Variants in SPIRE1 observed in about 807,000 individuals in gnomAD.
SPIRE1 encodes spire type actin nucleation factor 1.
SPIRE1 carries 40 observed loss-of-function variants against 94.1 expected under a neutral mutation model. The observed-to-expected ratio is 0.43, with a 90% CI of 0.33 to 0.55. The LOEUF (loss-of-function observed/expected upper bound fraction) is 0.55. Ranked by LOEUF, SPIRE1 falls within the 20% of genes least tolerant of loss-of-function variation. The pLI is 0.06. For synonymous variants in SPIRE1, 376 were observed against 371.7 expected, an observed-to-expected ratio of 1.01 and a Z score of -0.13; for missense variants, 838 against 975.2, an observed-to-expected ratio of 0.86 and a Z score of 1.87.
At chr18:12,640,586 G>A (rs148172246) in intron 1 of SPIRE1, among the ~76,000 whole-genome samples, 94 of 152,262 alleles carry the variant, frequency 6.2e-4, no homozygotes, top group East Asian at 4.8e-3. Flanking sequence ...AACAGAACTC[G>A]TGATAAATGG....
chr18:12,554,169 C>T (rs1009008316), intron 2 of SPIRE1, among the ~76,000 whole-genome samples: 9 of 151,918 alleles, frequency 5.9e-5, no homozygotes, highest in Admixed American at 2.6e-4. Context: ...CATGATGGCA[C>T]GTGTCTGTAA....
Position 12,446,925 on chromosome 18 carries a change from C to A in SPIRE1, c.*2713G>T, listed in dbSNP as rs1343450015. On this transcript the variant is annotated 3_prime_UTR_variant, in exon 17 of 17. Transcript: ENST00000409402. ...ATTTGAAATCCTTAAGAATTAAAAT[C>A]TAGTAAGATTGTTAAATCAACGTAC... The A allele has an allele frequency of 6.6e-6, 1 of 152,210 alleles. No individual in the cohort carries two copies. Among genetic ancestry groups the A allele is most frequent in the Non-Finnish European group, 1.5e-5 (1 of 68,046 alleles). The allele number at this position is 152,210 out of a possible 1,614,324, so 9.4% of individuals were successfully genotyped here.
At chr18:12,546,207 T>C (rs2035162112) in intron 3 of SPIRE1, among the ~76,000 whole-genome samples, 1 of 152,160 alleles carries the variant, frequency 6.6e-6, no homozygotes, top group Non-Finnish European at 1.5e-5. Flanking sequence ...GCCAGGACGT[T>C]CTTGATCTCC....
intron 9 of SPIRE1, 42 bp downstream of exon 9, chr18:12,485,917 C>A (rs2033020674): frequency 6.8e-7 from 1 of 1,475,860 alleles, no homozygotes; most frequent in Non-Finnish European, 9.2e-7. Flanking sequence ...ACAGAAACCA[C>A]AAAACCCACG....
In SPIRE1 at chr18:12,565,170, T is replaced by C. The variant is rs376073224; in HGVS notation, c.373-18266A>G. Among the ~76,000 whole-genome samples, 12 of 152,042 alleles carry C rather than the reference T, an allele frequency of 7.9e-5. No homozygotes were observed. The East Asian group carries it at 1.5e-3, about 20-fold the overall frequency. ...AAATCCAAGATACAGCAAAAATTCT[T>C]AAAGAAGTTAAAAGGACAAAAACCA... On this transcript the variant is annotated intron_variant, in intron 2 of 16. Coordinates refer to ENST00000409402, the MANE Select transcript of SPIRE1 (RefSeq NM_001128626.2).
At chr18:12,631,060 T>C (rs2037760320) in intron 2 of SPIRE1, among the ~76,000 whole-genome samples, 2 of 152,170 alleles carry the variant, frequency 1.3e-5, no homozygotes, top group African/African-American at 2.4e-5. Flanking sequence ...CTGGGCTTCC[T>C]GCTGCCTACC....
intron 2 of SPIRE1, among the ~76,000 whole-genome samples, chr18:12,600,815 T>G (rs1373350018): frequency 6.6e-6 from 1 of 152,020 alleles, no homozygotes; most frequent in Non-Finnish European, 1.5e-5. Flanking sequence ...CTCGACCTCC[T>G]GGACTCAAAA....
intron 6 of SPIRE1, among the ~76,000 whole-genome samples, chr18:12,505,096 G>C (rs193142632): frequency 3.9e-5 from 6 of 152,204 alleles, no homozygotes; most frequent in Non-Finnish European, 7.3e-5. Flanking sequence ...CCAGTGGAAG[G>C]TTCTGAGTAG....
At chr18:12,592,070 A>G (rs916341212) in intron 2 of SPIRE1, among the ~76,000 whole-genome samples, 5 of 151,958 alleles carry the variant, frequency 3.3e-5, no homozygotes, top group African/African-American at 1.2e-4. Context: ...TAAGTGCACC[A>G]GTATGTTGGT....
At chr18:12,626,886 A>ATATATGTATT (rs55915333) in intron 2 of SPIRE1, among the ~76,000 whole-genome samples, 5 of 111,894 alleles carry the variant, frequency 4.5e-5, no homozygotes, top group Admixed American at 4.1e-4. Context: ...ATATATATAT[A>ATATATGTATT]TTTTTTTTTT....
At chr18:12,661,306 C>T (rs996659959), upstream of SPIRE1, 17 of 943,524 alleles carry the variant, frequency 1.8e-5, no homozygotes, top group Non-Finnish European at 2.1e-5. Flanking sequence ...GAGCCTTCAT[C>T]TCAAAAAAGA....
intron 4 of SPIRE1, among the ~76,000 whole-genome samples, chr18:12,524,502 T>C (rs1048968025): frequency 2.0e-5 from 3 of 152,210 alleles, no homozygotes; most frequent in African/African-American, 7.2e-5. Context: ...TTCTTTTCTC[T>C]AGGAAAACTT....
intron 5 of SPIRE1, among the ~76,000 whole-genome samples, chr18:12,509,955 C>A (rs142286758): frequency 6.6e-6 from 1 of 151,674 alleles, no homozygotes; most frequent in Non-Finnish European, 1.5e-5. Flanking sequence ...TGTGGTGGTG[C>A]GCACCTGTAA....
chr18:12,453,367 G>A (rs1175303951), intron 13 of SPIRE1, among the ~76,000 whole-genome samples: 2 of 151,782 alleles, frequency 1.3e-5, no homozygotes, highest in African/African-American at 4.8e-5. Context: ...CAGCTCTTAA[G>A]TGTCTCCTCA....
chr18:12,518,247 T>C (rs186945026), intron 4 of SPIRE1, among the ~76,000 whole-genome samples: 1 of 152,144 alleles, frequency 6.6e-6, no homozygotes, highest in Non-Finnish European at 1.5e-5. Flanking sequence ...CTGGGCTCAG[T>C]GGTCTGCCCG....
chr18:12,605,752 T>C (rs2036957273), intron 2 of SPIRE1, among the ~76,000 whole-genome samples: 1 of 152,216 alleles, frequency 6.6e-6, no homozygotes, highest in Non-Finnish European at 1.5e-5. Flanking sequence ...TACGTAATGG[T>C]ACACAAATAA....
intron 3 of SPIRE1, among the ~76,000 whole-genome samples, chr18:12,544,468 T>C (rs2035099826): frequency 6.6e-6 from 1 of 151,870 alleles, no homozygotes; most frequent in Non-Finnish European, 1.5e-5. Context: ...CCTCCCAAAA[T>C]GCTGGGATTA....
intron 4 of SPIRE1, among the ~76,000 whole-genome samples, chr18:12,525,268 C>T (rs1192328373): frequency 1.8e-5 from 2 of 109,478 alleles, no homozygotes; most frequent in African/African-American, 7.9e-5. Context: ...CAGAGTGAGA[C>T]TCCGTCTCAA....
At chr18:12,623,354 T>C (rs145869718) in intron 2 of SPIRE1, among the ~76,000 whole-genome samples, 2,816 of 151,796 alleles carry the variant, frequency 0.019, 90 homozygotes, top group African/African-American at 0.062. Context: ...AGGGTTTCAC[T>C]GTGTTAGCCA....
Sources: allele counts gnomAD v4.1 joint callset (sites outside exome capture counted in the v4.1 genomes callset), GRCh38; gene constraint gnomAD v4.1.1; transcripts MANE v1.5; gene names NCBI Gene and HGNC (gene_info 2026-07-23, HGNC 2026-07-21).